VAV3: variants seen among roughly 807,000 people sequenced by gnomAD.
The protein encoded by VAV3 is guanine nucleotide exchange factor VAV3.
In VAV3, 94 loss-of-function variants were observed where a neutral mutation model predicts 131.2. That is an observed-to-expected ratio of 0.72 (90% CI 0.61 to 0.85). The LOEUF (loss-of-function observed/expected upper bound fraction) is 0.85. VAV3 is among the 40% of genes least tolerant of loss of function. The probability of loss-of-function intolerance (pLI) is 0.00; values close to 1 mark genes in which losing one functional copy is unlikely to be tolerated. For synonymous variants in VAV3, 349 were observed against 342.0 expected (o/e 1.02, Z -0.22); for missense variants, 939 against 1,002.7 (o/e 0.94, Z 0.86).
chr1:107,633,002 G>A (rs918443110), intron 20 of VAV3, among the ~76,000 whole-genome samples: 2 of 152,160 alleles, frequency 1.3e-5, no homozygotes, highest in African/African-American at 4.8e-5. Context: ...TTTTTGTCTA[G>A]AAAGAATAGG....
chr1:107,825,692 A>T (rs566457426), intron 2 of VAV3, among the ~76,000 whole-genome samples: 1 of 152,258 alleles, frequency 6.6e-6, no homozygotes, highest in South Asian at 2.1e-4. Flanking sequence ...CTTTCCATCA[A>T]AATAAAATAG....
rs546954730 is a variant in VAV3 at position 107,695,858 on chromosome 1, G to A, written c.1706-7452C>T. 4.3e-4 allele frequency among the ~76,000 whole-genome samples: 65 copies of A among 152,222 alleles called. 1 individual carries two copies. The highest frequency in any genetic ancestry group is 1.5e-3 in the African/African-American group (64 of 41,546). On this transcript the variant is annotated intron_variant, in intron 17 of 26. Coordinates refer to ENST00000370056, the MANE Select transcript of VAV3 (RefSeq NM_006113.5). ...CCTAAATGTGATGTGCCATGGATCT[G>A]TCCATTAAAAGGTAGAGTAAAAGAT...
intron 2 of VAV3, among the ~76,000 whole-genome samples, chr1:107,835,879 G>A (rs1053762696): frequency 3.3e-5 from 5 of 152,150 alleles, no homozygotes; most frequent in African/African-American, 7.2e-5. Context: ...GCAGACCTCC[G>A]GAATTCTGCA....
chr1:107,775,147 C>T (rs1665279468), intron 4 of VAV3, among the ~76,000 whole-genome samples: 1 of 152,166 alleles, frequency 6.6e-6, no homozygotes, highest in Non-Finnish European at 1.5e-5. Flanking sequence ...TTCAGGAAAC[C>T]AAGGTTTTCT....
At chr1:107,950,751 T>TA (rs1338927802) in intron 1 of VAV3, among the ~76,000 whole-genome samples, 4 of 152,198 alleles carry the variant, frequency 2.6e-5, no homozygotes, top group Non-Finnish European at 5.9e-5. Context: ...TCATAAATTC[T>TA]GACAGGACTC....
Position 107,916,228 on chromosome 1 carries a change from G to A in VAV3, c.205-41211C>T, listed in dbSNP as rs147744038. The stretch of plus-strand genomic sequence containing the variant: ...AAAGAAGAAAAAAACTTCCTGGTAA[G>A]TTCAAGTGACATCAAATGTGTTCTA... On this transcript the variant is annotated intron_variant, in intron 1 of 26. Coordinates refer to ENST00000370056, the MANE Select transcript of VAV3 (RefSeq NM_006113.5). 5.8e-3 allele frequency among the ~76,000 whole-genome samples: 878 copies of A among 152,266 alleles called. 7 individuals carry two copies. The highest frequency in any genetic ancestry group is 0.02 in the African/African-American group (816 of 41,532).
At chr1:107,939,977 G>A (rs1023003800) in intron 1 of VAV3, among the ~76,000 whole-genome samples, 12 of 152,102 alleles carry the variant, frequency 7.9e-5, no homozygotes, top group African/African-American at 2.9e-4. Context: ...GTATGGAACT[G>A]TCTACTGCAG....
chr1:107,815,778 C>T (rs1320506000), intron 2 of VAV3, among the ~76,000 whole-genome samples: 1 of 152,142 alleles, frequency 6.6e-6, no homozygotes, highest in Non-Finnish European at 1.5e-5. Context: ...TCTTCTTTAG[C>T]CACATATATG....
chr1:107,597,251 A>C (rs550429133), intron 24 of VAV3, among the ~76,000 whole-genome samples: 178 of 151,812 alleles, frequency 1.2e-3, no homozygotes, highest in African/African-American at 4.1e-3. Context: ...AGAAAAAAAA[A>C]CCACTTGTTT....
intron 15 of VAV3, among the ~76,000 whole-genome samples, chr1:107,737,497 A>T (rs1439596551): frequency 6.6e-6 from 1 of 152,244 alleles, no homozygotes; most frequent in Non-Finnish European, 1.5e-5. Context: ...AAGAACTCAA[A>T]CAAATTTACA....
rs373737009 is a variant in VAV3 at position 107,952,485 on chromosome 1, T to TACAC, written c.204+12177_204+12180dup. Among the ~76,000 whole-genome samples, 6 of 94,450 alleles carry TACAC rather than the reference T, an allele frequency of 6.4e-5. 2 individuals are homozygous for TACAC. Among genetic ancestry groups the TACAC allele is most frequent in the African/African-American group, 2.2e-4 (6 of 27,634 alleles). The allele number at this position is 94,450 out of a possible 152,430, so 62.0% of individuals were successfully genotyped here. On this transcript the variant is annotated intron_variant, in intron 1 of 26. Transcript: ENST00000370056. Reference sequence around the variant, plus strand: ...ACAAAACTTTATATATATATATATATACACACATAAATTCAACCTAAAAAA... The same window carrying TACAC: ...ACAAAACTTTATATATATATATATATACACACACACATAAATTCAACCTAAAAAA...
chr1:107,844,081 C>A (rs1668850987), intron 2 of VAV3, among the ~76,000 whole-genome samples: 1 of 152,004 alleles, frequency 6.6e-6, no homozygotes, highest in South Asian at 2.1e-4. Context: ...GAAACCAATG[C>A]AGAAGGCGGG....
intron 17 of VAV3, among the ~76,000 whole-genome samples, chr1:107,694,548 C>CA: frequency 6.6e-6 from 1 of 152,178 alleles, no homozygotes; most frequent in Non-Finnish European, 1.5e-5. Context: ...AAAGGTCTAC[C>CA]TAATTTTCTA....
At chr1:107,596,382 T>C (rs758363280) in intron 24 of VAV3, 41 bp from the exon 25 acceptor site, 1 of 1,603,900 alleles carries the variant, frequency 6.2e-7, no homozygotes, top group Non-Finnish European at 8.5e-7. Context: ...ATAAGGATAC[T>C]TTTGTTCTCA....
chr1:107,818,755 A>G (rs1290823379), intron 2 of VAV3, among the ~76,000 whole-genome samples: 1 of 152,212 alleles, frequency 6.6e-6, no homozygotes, highest in Non-Finnish European at 1.5e-5. Context: ...TATCATGTAG[A>G]TGAAAGCTGA....
chr1:107,698,088 T>C (rs1338387235), intron 17 of VAV3, among the ~76,000 whole-genome samples: 1 of 152,194 alleles, frequency 6.6e-6, no homozygotes, highest in East Asian at 1.9e-4. Context: ...TCTCTGTGCC[T>C]TGGTTTCTCA....
intron 15 of VAV3, among the ~76,000 whole-genome samples, chr1:107,712,597 G>T (rs1660851370): frequency 6.6e-6 from 1 of 152,004 alleles, no homozygotes; most frequent in Non-Finnish European, 1.5e-5. Flanking sequence ...GTCTTGAAGG[G>T]GACCGAATAT....
Position 107,664,221 on chromosome 1 carries a change from C to T in VAV3, c.1777+19267G>A, listed in dbSNP as rs186309655. On this transcript the variant is annotated intron_variant, in intron 19 of 26. Transcript: ENST00000370056. ...TTCAACTTTTAAGTTCCAGAGTAAA[C>T]GTGCAAGATGTGCAGGTTTGTTACA... Among the ~76,000 whole-genome samples, 12 of 152,204 alleles carry T rather than the reference C, an allele frequency of 7.9e-5. No individual in the cohort carries two copies. In the South Asian group the frequency reaches 8.3e-4, roughly 11 times the overall value.
At chr1:107,653,953 T>C (rs1656357866) in intron 19 of VAV3, among the ~76,000 whole-genome samples, 1 of 152,052 alleles carries the variant, frequency 6.6e-6, no homozygotes, top group African/African-American at 2.4e-5. Context: ...GTGTATTCTT[T>C]TGAAGTAGTA....
Sources: gnomAD v4.1 joint callset for allele counts (sites outside exome capture counted in the v4.1 genomes callset) on GRCh38, gnomAD v4.1.1 for gene constraint, MANE v1.5 for transcripts, NCBI Gene and HGNC (gene_info 2026-07-23, HGNC 2026-07-21) for gene names.